Variants in KIT observed in about 807,000 individuals in gnomAD.
The protein encoded by KIT is KIT proto-oncogene, receptor tyrosine kinase, also known as mast/stem cell growth factor receptor Kit.
A neutral mutation model predicts 105.7 loss-of-function variants in KIT; 16 were observed. That is an observed-to-expected ratio of 0.15 (90% CI 0.10 to 0.23). The LOEUF (loss-of-function observed/expected upper bound fraction) is 0.23, where lower values mean the gene tolerates loss of function less well. KIT is among the 10% of genes least tolerant of loss of function. The pLI is 1.00. For synonymous variants in KIT, 438 were observed against 441.1 expected (o/e 0.99, Z 0.09); for missense variants, 858 against 1,213.8 (o/e 0.71, Z 4.36).
rs763847901 is a variant in KIT at position 54,736,559 on chromosome 4, A to C, written c.2546A>C (p.Glu849Ala). 1.2e-6 allele frequency: 2 copies of C among 1,614,166 alleles called. No individual in the cohort carries two copies. The highest frequency in any genetic ancestry group is 3.3e-5 in the Admixed American group (2 of 60,028). ...ESIFNCVYTFESDVWSYGIFL... is the reference protein window; with the variant it reads ...ESIFNCVYTFASDVWSYGIFL... ...ATTTTCAACTGTGTATACACGTTTG[A>C]AAGTGACGTCTGGTCCTATGGGATT... Residue 849 changes from glutamate to alanine, a missense_variant, in exon 18 of 21, where the codon GAA becomes GCA. By Grantham distance (107) the Glu-to-Ala change is moderately radical. Coordinates refer to ENST00000288135, the MANE Select transcript of KIT (RefSeq NM_000222.3).
chr4:54,737,312 C>T, intron 20 of KIT, 32 bp downstream of exon 20: 2 of 1,401,492 alleles, frequency 1.4e-6, no homozygotes, highest in South Asian at 1.2e-5. Flanking sequence ...ATAGAATCCC[C>T]CTTCTCCCAG....
intron 1 of KIT, among the ~76,000 whole-genome samples, chr4:54,665,116 C>G (rs964142992): frequency 2.6e-5 from 4 of 152,096 alleles, no homozygotes; most frequent in Non-Finnish European, 5.9e-5. Flanking sequence ...CCAGGTAACT[C>G]GCAAATGCAG....
rs954922102 is a variant in KIT at position 54,689,294 on chromosome 4, A to C, written c.68-6218A>C. 2.0e-5 allele frequency among the ~76,000 whole-genome samples: 3 copies of C among 152,220 alleles called. 1 individual carries two copies. The highest frequency in any genetic ancestry group is 2.0e-4 in the Admixed American group (3 of 15,290). On this transcript the variant is annotated intron_variant, in intron 1 of 20. Transcript: ENST00000288135. ...TATACATGTAATTTATACATAATAA[A>C]ATATCGAATACAACTCCCATAAGCA...
At chr4:54,667,097 G>C (rs896582376) in intron 1 of KIT, among the ~76,000 whole-genome samples, 1 of 152,094 alleles carries the variant, frequency 6.6e-6, no homozygotes, top group Non-Finnish European at 1.5e-5. Flanking sequence ...GCAGCATGTA[G>C]GCAGAAAGTC....
At chr4:54,699,584 G>A (rs755574762) in intron 3 of KIT, 46 bp from the exon 4 acceptor site, 1 of 1,608,612 alleles carries the variant, frequency 6.2e-7, no homozygotes, top group Admixed American at 1.7e-5. Context: ...AAAATTTCAT[G>A]CTATAATACA....
chr4:54,664,669 A>G (rs1325083779), intron 1 of KIT, among the ~76,000 whole-genome samples: 2 of 151,782 alleles, frequency 1.3e-5, no homozygotes, highest in African/African-American at 4.8e-5. Flanking sequence ...GTGCAGTGGC[A>G]CGATCATAGT....
chr4:54,676,279 G>A (rs753361530), intron 1 of KIT, among the ~76,000 whole-genome samples: 22 of 152,080 alleles, frequency 1.4e-4, no homozygotes, highest in Non-Finnish European at 2.2e-4. Flanking sequence ...TGAGAGCAGG[G>A]CCCAGCCATC....
intron 1 of KIT, among the ~76,000 whole-genome samples, chr4:54,690,404 G>A (rs931632560): frequency 1.3e-5 from 2 of 152,172 alleles, no homozygotes; most frequent in South Asian, 2.1e-4. Flanking sequence ...GTTTGAGAGC[G>A]AAGGCCATTT....
At chr4:54,701,016 T>C (rs1720421480) in intron 4 of KIT, among the ~76,000 whole-genome samples, 1 of 152,274 alleles carries the variant, frequency 6.6e-6, no homozygotes, top group Admixed American at 6.5e-5. Context: ...TGATTTCAGA[T>C]GAGAGAACAA....
chr4:54,683,605 A>G (rs927399937), intron 1 of KIT, among the ~76,000 whole-genome samples: 2 of 152,232 alleles, frequency 1.3e-5, no homozygotes, highest in Non-Finnish European at 2.9e-5. Context: ...ACATTTAATA[A>G]TTTTGCTTGT....
chr4:54,691,257 G>A (rs913246409), intron 1 of KIT, among the ~76,000 whole-genome samples: 3 of 152,168 alleles, frequency 2.0e-5, no homozygotes, highest in Non-Finnish European at 2.9e-5. Context: ...GTGCTAGAGG[G>A]AAAAGTACGA....
At chr4:54,689,868 T>TCC (rs199973510) in intron 1 of KIT, among the ~76,000 whole-genome samples, 11 of 152,034 alleles carry the variant, frequency 7.2e-5, no homozygotes, top group African/African-American at 2.2e-4. Flanking sequence ...TAACTGTCCA[T>TCC]CCCCCACTGT....
At position 54,693,580 on chromosome 4, in the gene KIT, A is replaced by T. The variant is rs10452281; in HGVS notation, c.68-1932A>T. ...ACTGGCCAGGTTGTACCTGTGAGCA[A>T]ATTACACCTCTCACGTCCCCTCCCC... On this transcript the variant is annotated intron_variant, in intron 1 of 20. Transcript: ENST00000288135. Among the ~76,000 whole-genome samples the T allele has an allele frequency of 8.9e-3, 1,356 of 152,238 alleles. 20 individuals are homozygous for T. The highest frequency in any genetic ancestry group is 0.03 in the African/African-American group (1,256 of 41,530).
chr4:54,735,004 TA>T (rs1443428561), intron 17 of KIT, among the ~76,000 whole-genome samples: 1 of 152,176 alleles, frequency 6.6e-6, no homozygotes, highest in African/African-American at 2.4e-5. Flanking sequence ...CTATTTTTTC[TA>T]AAAACCACTG....
chr4:54,725,905 T>C lies in KIT; in HGVS notation c.1395T>C (p.Ser465=). 1 of 1,614,178 alleles carries C rather than the reference T, an allele frequency of 6.2e-7. No individual in the cohort carries two copies. Among genetic ancestry groups the C allele is most frequent in the Non-Finnish European group, 8.5e-7 (1 of 1,180,020 alleles). Residue 465 remains serine, a synonymous_variant, in exon 9 of 21, where the codon TCT becomes TCC. Transcript: ENST00000288135. ...TGGATGTGCAGACACTAAACTCATCTGGGCCACCGTTTGGAAAGCTAGTGG... is the reference window on the plus strand; with the variant it reads ...TGGATGTGCAGACACTAAACTCATCCGGGCCACCGTTTGGAAAGCTAGTGG... The part of the protein sequence containing the change: ...LPVDVQTLNS[S]GPPFGKLVVQ...
At chr4:54,662,860 A>G (rs1717383050) in intron 1 of KIT, among the ~76,000 whole-genome samples, 1 of 152,150 alleles carries the variant, frequency 6.6e-6, no homozygotes, top group Non-Finnish European at 1.5e-5. Flanking sequence ...GGCATGAGCC[A>G]CCATGCCTGG....
At chr4:54,690,965 G>C (rs1315137341) in intron 1 of KIT, among the ~76,000 whole-genome samples, 1 of 152,114 alleles carries the variant, frequency 6.6e-6, no homozygotes, top group Non-Finnish European at 1.5e-5. Context: ...ATAAAACCCT[G>C]AATACTTCTG....
At chr4:54,669,637 C>T (rs1717966076) in intron 1 of KIT, among the ~76,000 whole-genome samples, 1 of 150,620 alleles carries the variant, frequency 6.6e-6, no homozygotes, top group African/African-American at 2.4e-5. Flanking sequence ...TTTGTCCTCT[C>T]TTGGGGCTTA....
intron 1 of KIT, among the ~76,000 whole-genome samples, chr4:54,686,544 T>C (rs921324711): frequency 1.3e-5 from 2 of 151,972 alleles, no homozygotes; most frequent in African/African-American, 4.8e-5. Flanking sequence ...TAAACCTGAG[T>C]AGGTTTTTTC....
Sources: allele counts gnomAD v4.1 joint callset (sites outside exome capture counted in the v4.1 genomes callset), GRCh38; gene constraint gnomAD v4.1.1; transcripts MANE v1.5; gene names NCBI Gene and HGNC (gene_info 2026-07-23, HGNC 2026-07-21).